The following C1QTNF3 variants were observed in gnomAD, a reference collection of about 807,000 sequenced individuals.
C1QTNF3 encodes C1q and TNF related 3.
In C1QTNF3, 26 loss-of-function variants were observed where a neutral mutation model predicts 32.6. The ratio of observed to expected loss-of-function variants is 0.80; its 90% CI spans 0.58 to 1.11. C1QTNF3 has a LOEUF of 1.11. Ranked by LOEUF, C1QTNF3 falls within the 50% of genes least tolerant of loss-of-function variation. C1QTNF3 has a pLI of 0.00. For synonymous variants in C1QTNF3, 155 were observed against 146.0 expected, an observed-to-expected ratio of 1.06 and a Z score of -0.44; for missense variants, 362 against 398.2, an observed-to-expected ratio of 0.91 and a Z score of 0.77.
At chr5:34,220,429 C>T in the C1QTNF3 span, among the ~76,000 whole-genome samples, 19 of 151,842 alleles carry the variant, frequency 1.3e-4, no homozygotes, top group African/African-American at 4.3e-4. Context: ...TCCAGACAAA[C>T]CCAAGTCTTC....
chr5:34,047,826 A>T (rs180675883), upstream of C1QTNF3, among the ~76,000 whole-genome samples: 417 of 152,316 alleles, frequency 2.7e-3, 1 homozygote, highest in African/African-American at 9.1e-3. Flanking sequence ...GTTGAAGAAG[A>T]AGTTTTAAAA....
At chr5:34,038,055 T>C (rs1317424036) in intron 1 of C1QTNF3, among the ~76,000 whole-genome samples, 1 of 152,192 alleles carries the variant, frequency 6.6e-6, no homozygotes, top group African/African-American at 2.4e-5. Flanking sequence ...AAACACCCAC[T>C]GGACTGAAAC....
the C1QTNF3 span, among the ~76,000 whole-genome samples, chr5:34,233,799 T>C: frequency 4.6e-5 from 7 of 152,144 alleles, no homozygotes; most frequent in Non-Finnish European, 8.8e-5. Context: ...AATAGGTGAA[T>C]TAATTTCAAA....
the C1QTNF3 span, among the ~76,000 whole-genome samples, chr5:34,143,538 G>A: frequency 6.6e-6 from 1 of 152,034 alleles, no homozygotes; most frequent in East Asian, 1.9e-4. Flanking sequence ...AGAAGAGTCA[G>A]GTCATATATA....
chr5:34,160,264 C>T, the C1QTNF3 span, among the ~76,000 whole-genome samples: 1 of 152,180 alleles, frequency 6.6e-6, no homozygotes, highest in Non-Finnish European at 1.5e-5. Context: ...TCTAACAGAA[C>T]TCCTACCATC....
the C1QTNF3 span, among the ~76,000 whole-genome samples, chr5:34,215,664 A>T: frequency 2.4e-4 from 36 of 152,200 alleles, no homozygotes; most frequent in South Asian, 7.3e-3. Flanking sequence ...TTACTTTTGG[A>T]GACAGAGTCT....
At chr5:34,036,345 A>G (rs1243088666) in intron 1 of C1QTNF3, among the ~76,000 whole-genome samples, 1 of 152,208 alleles carries the variant, frequency 6.6e-6, no homozygotes. Context: ...TTAGTCCAAT[A>G]CATTTATTTA....
At chr5:34,208,505 T>A in the C1QTNF3 span, among the ~76,000 whole-genome samples, 11 of 151,986 alleles carry the variant, frequency 7.2e-5, no homozygotes, top group Non-Finnish European at 1.2e-4. Flanking sequence ...TTTTTTTTTT[T>A]AATCAGAAAT....
the C1QTNF3 span, among the ~76,000 whole-genome samples, chr5:34,177,918 C>G: frequency 6.6e-6 from 1 of 151,976 alleles, no homozygotes; most frequent in African/African-American, 2.4e-5. Context: ...CCACCACACC[C>G]AGCACTGCAG....
chr5:34,147,599 G>A, the C1QTNF3 span, among the ~76,000 whole-genome samples: 100 of 152,086 alleles, frequency 6.6e-4, 1 homozygote, highest in African/African-American at 2.3e-3. Context: ...TCACTTATAA[G>A]TGGGAAATAA....
the C1QTNF3 span, among the ~76,000 whole-genome samples, chr5:34,067,227 T>A: frequency 6.6e-6 from 1 of 152,238 alleles, no homozygotes; most frequent in South Asian, 2.1e-4. Context: ...TTCCCAGATT[T>A]CCTTGTCTTC....
chr5:34,189,718 T>C, the C1QTNF3 span, among the ~76,000 whole-genome samples: 1 of 152,306 alleles, frequency 6.6e-6, no homozygotes, highest in African/African-American at 2.4e-5. Context: ...TCATTCCTGT[T>C]TGGGCCAAGG....
At chr5:34,217,276 GCC>G in the C1QTNF3 span, among the ~76,000 whole-genome samples, 1 of 152,076 alleles carries the variant, frequency 6.6e-6, no homozygotes, top group East Asian at 1.9e-4. Context: ...TGCGTTTTTT[GCC>G]ATTATTTTCC....
In C1QTNF3 at chr5:34,033,352, A is replaced by G. The variant is rs1579605641; in HGVS notation, c.522T>C (p.His174=). 1 of 1,613,798 alleles carries G rather than the reference A, an allele frequency of 6.2e-7. No homozygotes were observed. The highest frequency in any genetic ancestry group is 8.5e-7 in the Non-Finnish European group (1 of 1,179,880). ...DLGPRGERGQ[H]GPKGEKGYPG... ...GGTAGCCCTTCTCTCCTTTGGGGCCATGCTGCCCCCGCTCCCCTCGAGGCC... is the reference window on the plus strand; with the variant it reads ...GGTAGCCCTTCTCTCCTTTGGGGCCGTGCTGCCCCCGCTCCCCTCGAGGCC... The change falls in exon 3 of 6, where the codon CAT becomes CAC. Residue 174 remains histidine (H), a synonymous_variant. Coordinates refer to ENST00000382065, the MANE Select transcript of C1QTNF3 (RefSeq NM_181435.6).
chr5:34,090,680 T>TA, the C1QTNF3 span, among the ~76,000 whole-genome samples: 161 of 152,308 alleles, frequency 1.1e-3, no homozygotes, highest in African/African-American at 3.7e-3. Context: ...GGTAGGTAGT[T>TA]AGGTTATAAG....
upstream of C1QTNF3, among the ~76,000 whole-genome samples, chr5:34,047,419 T>C (rs1755005816): frequency 6.6e-6 from 1 of 152,184 alleles, no homozygotes; most frequent in Non-Finnish European, 1.5e-5. Context: ...CTCCGTGGCC[T>C]CCCCCATGGT....
At chr5:34,243,393 A>C in the C1QTNF3 span, among the ~76,000 whole-genome samples, 1 of 152,172 alleles carries the variant, frequency 6.6e-6, no homozygotes, top group Non-Finnish European at 1.5e-5. Context: ...GTACTGTGGA[A>C]AGTATTTTGG....
chr5:34,243,190 T>C, the C1QTNF3 span, among the ~76,000 whole-genome samples: 1 of 151,924 alleles, frequency 6.6e-6, no homozygotes, highest in Non-Finnish European at 1.5e-5. Flanking sequence ...AAGAAGACAC[T>C]CAAGTATATG....
At chr5:34,046,637 A>G (rs557533056), upstream of C1QTNF3, among the ~76,000 whole-genome samples, 7 of 152,152 alleles carry the variant, frequency 4.6e-5, no homozygotes, top group Admixed American at 1.3e-4. Context: ...AGACGTTGAG[A>G]CTCCAAAACT....
Sources: gnomAD v4.1 joint callset for allele counts (sites outside exome capture counted in the v4.1 genomes callset) on GRCh38, gnomAD v4.1.1 for gene constraint, MANE v1.5 for transcripts, NCBI Gene and HGNC (gene_info 2026-07-23, HGNC 2026-07-21) for gene names.